The following AFF3 variants were observed in gnomAD, a reference collection of about 807,000 sequenced individuals.
AFF3 encodes the protein AF4/FMR2 family member 3.
In AFF3, 32 loss-of-function variants were observed where a neutral mutation model predicts 129.7. The ratio of observed to expected loss-of-function variants is 0.25; its 90% CI spans 0.19 to 0.33. The LOEUF is 0.33. AFF3 is among the 10% of genes least tolerant of loss of function. The pLI is 1.00. For synonymous variants in AFF3, 644 were observed against 635.4 expected, an observed-to-expected ratio of 1.01 and a Z score of -0.20; for missense variants, 1,373 against 1,592.0, an observed-to-expected ratio of 0.86 and a Z score of 2.34.
At chr2:99,573,851 GCAGCAGC>G (rs1432030487) in intron 18 of AFF3, among the ~76,000 whole-genome samples, 1 of 152,126 alleles carries the variant, frequency 6.6e-6, no homozygotes, top group Non-Finnish European at 1.5e-5. Context: ...TGACATACAG[GCAGCAGC>G]CAGCACTTCC....
At chr2:99,805,708 CT>C (rs1283720049) in intron 8 of AFF3, among the ~76,000 whole-genome samples, 3 of 152,096 alleles carry the variant, frequency 2.0e-5, no homozygotes, top group African/African-American at 7.2e-5. Flanking sequence ...TAACATAACA[CT>C]TATCCTATTG....
At chr2:99,890,070 T>C (rs2106073513) in intron 7 of AFF3, among the ~76,000 whole-genome samples, 1 of 152,288 alleles carries the variant, frequency 6.6e-6, no homozygotes, top group East Asian at 1.9e-4. Flanking sequence ...GGCTCTCTGT[T>C]TGGTCTTTTT....
At chr2:100,106,359 A>G (rs1453083926) in intron 2 of AFF3, 2 of 1,149,394 alleles carry the variant, frequency 1.7e-6, no homozygotes, top group Non-Finnish European at 2.2e-6. Flanking sequence ...AAAAACATAG[A>G]GAATATGAAT....
In AFF3 at chr2:100,011,704, C is replaced by G; in HGVS notation, c.54-2772G>C. 8.8e-6 allele frequency: 6 copies of G among 684,874 alleles called. No homozygotes were observed. In the South Asian group the frequency reaches 9.7e-5, roughly 11 times the overall value. The allele number at this position is 684,874 out of a possible 1,614,324, so 42.4% of individuals were successfully genotyped here. On this transcript the variant is annotated intron_variant, in intron 4 of 24. Coordinates refer to ENST00000672756, the MANE Select transcript of AFF3 (RefSeq NM_001386135.1). ...GAAAGAATCCAAGATCCCGGAGGGTCAGAACGGGAGGCAAGCTGAACAAAG... is the reference window on the plus strand; with the variant it reads ...GAAAGAATCCAAGATCCCGGAGGGTGAGAACGGGAGGCAAGCTGAACAAAG...
At chr2:99,746,551 T>C (rs978716348) in intron 9 of AFF3, among the ~76,000 whole-genome samples, 16 of 152,252 alleles carry the variant, frequency 1.1e-4, no homozygotes, top group African/African-American at 3.9e-4. Flanking sequence ...TAATGAGCTA[T>C]TCAACTGAAG....
chr2:99,778,143 C>T (rs1247987424), intron 8 of AFF3, among the ~76,000 whole-genome samples: 1 of 151,982 alleles, frequency 6.6e-6, no homozygotes, highest in Non-Finnish European at 1.5e-5. Flanking sequence ...GCCAGAGTGA[C>T]CCCTGCACAT....
chr2:99,632,760 T>A (rs1389541315), intron 13 of AFF3, among the ~76,000 whole-genome samples: 2 of 152,238 alleles, frequency 1.3e-5, no homozygotes, highest in Non-Finnish European at 2.9e-5. Flanking sequence ...GAGGCTCCTG[T>A]GGAAACAGGA....
intron 8 of AFF3, among the ~76,000 whole-genome samples, chr2:99,780,433 C>T (rs1179212550): frequency 6.6e-6 from 1 of 152,150 alleles, no homozygotes; most frequent in African/African-American, 2.4e-5. Flanking sequence ...TATGACTGTG[C>T]AACCCAGGGT....
chr2:99,698,450 G>A (rs1035356821), intron 11 of AFF3, among the ~76,000 whole-genome samples: 3 of 152,170 alleles, frequency 2.0e-5, no homozygotes, highest in Non-Finnish European at 4.4e-5. Flanking sequence ...CCAATCCCAG[G>A]GTGTTGATTC....
chr2:99,982,811 G>A (rs1295881901), intron 7 of AFF3, among the ~76,000 whole-genome samples: 4 of 152,064 alleles, frequency 2.6e-5, no homozygotes, highest in African/African-American at 7.2e-5. Context: ...AAAAAATACA[G>A]AAAATCAGAA....
intron 11 of AFF3, among the ~76,000 whole-genome samples, chr2:99,692,591 C>T (rs569022175): frequency 6.6e-6 from 1 of 152,282 alleles, no homozygotes; most frequent in South Asian, 2.1e-4. Context: ...TGCCTGGCCT[C>T]CTTCCTCTGC....
At chr2:99,618,616 T>C (rs1325390851) in intron 13 of AFF3, among the ~76,000 whole-genome samples, 1 of 152,256 alleles carries the variant, frequency 6.6e-6, no homozygotes, top group Non-Finnish European at 1.5e-5. Flanking sequence ...TTTTATTAAC[T>C]GTAATGCTTC....
At chr2:99,850,298 G>A (rs556179614) in intron 7 of AFF3, among the ~76,000 whole-genome samples, 2 of 152,318 alleles carry the variant, frequency 1.3e-5, no homozygotes, top group African/African-American at 4.8e-5. Context: ...TTGTCGCTAA[G>A]CTGAAAGCTC....
At chr2:99,570,906 C>T (rs974201603) in intron 18 of AFF3, among the ~76,000 whole-genome samples, 5 of 152,230 alleles carry the variant, frequency 3.3e-5, no homozygotes, top group Non-Finnish European at 4.4e-5. Context: ...CAATTTCCCC[C>T]GCCGTAAGGC....
chr2:100,071,745 T>C (rs376699576), intron 4 of AFF3, among the ~76,000 whole-genome samples: 3 of 152,110 alleles, frequency 2.0e-5, no homozygotes, highest in African/African-American at 7.2e-5. Context: ...AATTACGACA[T>C]AAAGGGGCTG....
At chr2:100,106,340 A>T (rs1180593218) in intron 2 of AFF3, 1 of 1,160,046 alleles carries the variant, frequency 8.6e-7, no homozygotes, top group East Asian at 6.1e-5. Context: ...AGTAGCAAGA[A>T]GATTAGGTAA....
intron 12 of AFF3, among the ~76,000 whole-genome samples, chr2:99,656,626 C>A (rs193250643): frequency 3.3e-5 from 5 of 152,326 alleles, no homozygotes; most frequent in African/African-American, 9.6e-5. Flanking sequence ...CCTTCCACAT[C>A]TATAAGCAAT....
chr2:99,720,744 T>C (rs12478851), intron 11 of AFF3, among the ~76,000 whole-genome samples: 151,424 of 152,300 alleles, frequency 0.99, 75,280 homozygotes, highest in East Asian at 1. Flanking sequence ...TATGTTAATC[T>C]ATTTTTTAGT....
chr2:99,998,596 A>G (rs1406286131), intron 7 of AFF3, among the ~76,000 whole-genome samples: 3 of 152,218 alleles, frequency 2.0e-5, no homozygotes, highest in African/African-American at 7.2e-5. Context: ...TGTTACACAC[A>G]TAAGGGGTCA....
Sources: gnomAD v4.1 joint callset for allele counts (sites outside exome capture counted in the v4.1 genomes callset) on GRCh38, gnomAD v4.1.1 for gene constraint, MANE v1.5 for transcripts, NCBI Gene and HGNC (gene_info 2026-07-23, HGNC 2026-07-21) for gene names.